Variants in SPHKAP observed in about 807,000 individuals in gnomAD.
SPHKAP encodes the protein A-kinase anchor protein SPHKAP.
SPHKAP carries 67 observed loss-of-function variants against 137.5 expected under a neutral mutation model. That is an observed-to-expected ratio of 0.49 (90% CI 0.40 to 0.60). The LOEUF is 0.60. Among genes scored for constraint, SPHKAP ranks in the 20% least tolerant of loss-of-function variants. SPHKAP has a pLI of 0.00. For missense variants in SPHKAP, 2,097 were observed against 2,069.3 expected, an observed-to-expected ratio of 1.01 and a Z score of -0.26; for synonymous variants, 813 against 785.3, an observed-to-expected ratio of 1.04 and a Z score of -0.59.
Position 228,034,146 on chromosome 2 carries a change from G to C in SPHKAP, c.247-6603C>G, listed in dbSNP as rs551971466. Among the ~76,000 whole-genome samples, 7 of 152,024 alleles carry C rather than the reference G, an allele frequency of 4.6e-5. No homozygotes were observed. The South Asian group carries it at 1.0e-3, about 23-fold the overall frequency. ...ATAGACCGCTAGCAAGACTAATAAA[G>C]AAGAAAAGAGAGAAGAATCAAATAG... On this transcript the variant is annotated intron_variant, in intron 3 of 11. Transcript: ENST00000392056.
chr2:228,162,785 G>T (rs1447148903), intron 1 of SPHKAP, among the ~76,000 whole-genome samples: 1 of 152,014 alleles, frequency 6.6e-6, no homozygotes, highest in Admixed American at 6.6e-5. Context: ...AGCCACCTCC[G>T]CCTCCCGGGT....
chr2:228,099,433 G>A (rs558922360), intron 3 of SPHKAP, among the ~76,000 whole-genome samples: 1 of 152,256 alleles, frequency 6.6e-6, no homozygotes, highest in African/African-American at 2.4e-5. Context: ...TGGCCTTGTA[G>A]TATAGTTTGG....
chr2:228,013,342 C>A (rs1226696017), intron 7 of SPHKAP, among the ~76,000 whole-genome samples: 1 of 152,124 alleles, frequency 6.6e-6, no homozygotes, highest in African/African-American at 2.4e-5. Context: ...ACCTCCACCT[C>A]CCAGGTTCAA....
intron 3 of SPHKAP, among the ~76,000 whole-genome samples, chr2:228,034,399 A>T (rs1695489767): frequency 6.6e-6 from 1 of 152,160 alleles, no homozygotes; most frequent in Non-Finnish European, 1.5e-5. Context: ...TAGCTTACCA[A>T]CCAAAAGAAG....
At chr2:228,164,459 G>A (rs1199483926) in intron 1 of SPHKAP, among the ~76,000 whole-genome samples, 1 of 152,164 alleles carries the variant, frequency 6.6e-6, no homozygotes, top group African/African-American at 2.4e-5. Context: ...GACTAATACA[G>A]CCCCCAAACA....
chr2:228,154,650 G>A (rs1419397886), intron 1 of SPHKAP, among the ~76,000 whole-genome samples: 6 of 134,278 alleles, frequency 4.5e-5, no homozygotes, highest in African/African-American at 1.4e-4. Context: ...CCAGGTTCAC[G>A]CCATTCTCCT....
chr2:228,025,954 C>T (rs915726946), intron 4 of SPHKAP: 37 of 777,276 alleles, frequency 4.8e-5, no homozygotes, highest in South Asian at 3.5e-4. Flanking sequence ...ATAATTGCCA[C>T]GTGTTGTGGG....
intron 3 of SPHKAP, among the ~76,000 whole-genome samples, chr2:228,093,694 C>T (rs1490009741): frequency 6.7e-6 from 1 of 149,098 alleles, no homozygotes; most frequent in Non-Finnish European, 1.5e-5. Context: ...CCAGTCTCTA[C>T]TAAAAATGGA....
intron 1 of SPHKAP, among the ~76,000 whole-genome samples, chr2:228,174,633 G>A (rs1040770491): frequency 6.6e-6 from 1 of 152,102 alleles, no homozygotes. Flanking sequence ...TTTTACACAA[G>A]ATTTTTGGCT....
intron 2 of SPHKAP, among the ~76,000 whole-genome samples, chr2:228,118,057 A>T (rs1698771924): frequency 1.3e-5 from 2 of 152,118 alleles, no homozygotes; most frequent in South Asian, 4.1e-4. Flanking sequence ...TTTGATTTTT[A>T]TCCCTAAAAT....
In SPHKAP at chr2:227,980,440, T is replaced by C. The variant is rs1692955507; in HGVS notation, c.*1277A>G. The C allele has an allele frequency of 6.6e-6, 1 of 152,218 alleles. No homozygotes were observed. 9.4% of individuals were successfully genotyped at this position (152,218 alleles called of 1,614,324 possible). A position where few individuals can be genotyped will look rare whatever the true frequency, so the allele number is the denominator to read the frequency against. On this transcript the variant is annotated 3_prime_UTR_variant, in exon 12 of 12. Coordinates refer to ENST00000392056, the MANE Select transcript of SPHKAP (RefSeq NM_001142644.2). ...TAAAAATAGAGTAAAAGTATAGTTA[T>C]CCAGAAGTCCTTAATAAACACCTCT...
intron 3 of SPHKAP, among the ~76,000 whole-genome samples, chr2:228,063,588 C>T (rs1696731942): frequency 6.6e-6 from 1 of 152,138 alleles, no homozygotes; most frequent in Admixed American, 6.5e-5. Context: ...ATATTATGAA[C>T]ATAGCAATGA....
At chr2:228,059,350 A>G (rs970321742) in intron 3 of SPHKAP, among the ~76,000 whole-genome samples, 5 of 152,332 alleles carry the variant, frequency 3.3e-5, no homozygotes, top group Admixed American at 2.6e-4. Flanking sequence ...AACATTTTTC[A>G]TTCCCTACTT....
At chr2:228,048,972 G>C (rs1386373234) in intron 3 of SPHKAP, among the ~76,000 whole-genome samples, 1 of 152,104 alleles carries the variant, frequency 6.6e-6, no homozygotes, top group Non-Finnish European at 1.5e-5. Flanking sequence ...AGCAACACGC[G>C]ATTGCACTGA....
chr2:228,002,316 G>A (rs1180104990), intron 7 of SPHKAP, among the ~76,000 whole-genome samples: 4 of 152,138 alleles, frequency 2.6e-5, no homozygotes, highest in Non-Finnish European at 5.9e-5. Context: ...TTCTCTGATG[G>A]CCAGTGATGA....
chr2:228,177,063 T>A (rs1451996445), intron 1 of SPHKAP, among the ~76,000 whole-genome samples: 1 of 152,102 alleles, frequency 6.6e-6, no homozygotes, highest in Non-Finnish European at 1.5e-5. Flanking sequence ...ATCCTAATCA[T>A]TCATTTATGA....
chr2:228,138,871 G>A (rs1365251281), intron 1 of SPHKAP, among the ~76,000 whole-genome samples: 2 of 152,124 alleles, frequency 1.3e-5, no homozygotes, highest in African/African-American at 2.4e-5. Context: ...AAACTGTGAT[G>A]TATTATCCAA....
At chr2:228,094,783 G>T (rs1335501353) in intron 3 of SPHKAP, among the ~76,000 whole-genome samples, 1 of 152,090 alleles carries the variant, frequency 6.6e-6, no homozygotes, top group African/African-American at 2.4e-5. Context: ...TGGGAACTAG[G>T]AATGCAGTTA....
chr2:228,113,626 T>TCTCTCA (rs1698595787), intron 2 of SPHKAP, among the ~76,000 whole-genome samples: 1 of 144,724 alleles, frequency 6.9e-6, no homozygotes, highest in African/African-American at 2.8e-5. Context: ...TCTCTCTCTC[T>TCTCTCA]CTCTCTCTCT....
Sources: gnomAD v4.1 joint callset for allele counts (sites outside exome capture counted in the v4.1 genomes callset) on GRCh38, gnomAD v4.1.1 for gene constraint, MANE v1.5 for transcripts, NCBI Gene and HGNC (gene_info 2026-07-23, HGNC 2026-07-21) for gene names.